Variants in ADRA1A observed in about 807,000 individuals in gnomAD.
The protein encoded by ADRA1A is adrenoceptor alpha 1A.
ADRA1A carries 31 observed loss-of-function variants against 29.6 expected under a neutral mutation model. The ratio of observed to expected loss-of-function variants is 1.05; its 90% CI spans 0.79 to 1.41. The LOEUF is 1.41. Among genes scored for constraint, ADRA1A ranks in the 40% most tolerant of loss-of-function variants. The pLI is 0.00. For synonymous variants in ADRA1A, 311 were observed against 254.3 expected (o/e 1.22, Z -2.12); for missense variants, 619 against 601.1 (o/e 1.03, Z -0.31).
intron 2 of ADRA1A, among the ~76,000 whole-genome samples, chr8:26,803,876 T>C (rs1352761701): frequency 1.3e-5 from 2 of 149,782 alleles, no homozygotes; most frequent in East Asian, 2.0e-4. Flanking sequence ...TACTACCACA[T>C]ACCTACTACA....
chr8:26,801,696 A>G (rs1808588593), intron 2 of ADRA1A, among the ~76,000 whole-genome samples: 1 of 152,136 alleles, frequency 6.6e-6, no homozygotes, highest in African/African-American at 2.4e-5. Context: ...ACACAAAGCA[A>G]TCTACAGATT....
intron 2 of ADRA1A, among the ~76,000 whole-genome samples, chr8:26,807,839 C>A (rs1157775234): frequency 6.6e-6 from 1 of 152,112 alleles, no homozygotes; most frequent in Non-Finnish European, 1.5e-5. Flanking sequence ...ACCTTATCTC[C>A]TCACCTATAA....
intron 2 of ADRA1A, among the ~76,000 whole-genome samples, chr8:26,792,908 A>G (rs1807935959): frequency 6.6e-6 from 1 of 151,682 alleles, no homozygotes; most frequent in African/African-American, 2.4e-5. Flanking sequence ...AAATGGATTA[A>G]AGTGCTGTGT....
intron 2 of ADRA1A, among the ~76,000 whole-genome samples, chr8:26,842,866 T>TACACAC (rs57750998): frequency 0.03 from 4,341 of 142,692 alleles, 74 homozygotes; most frequent in African/African-American, 0.055. Flanking sequence ...TCTCTCTTTC[T>TACACAC]ACACACACAC....
intron 2 of ADRA1A, among the ~76,000 whole-genome samples, chr8:26,863,879 T>G (rs1218755989): frequency 6.6e-6 from 1 of 152,236 alleles, no homozygotes; most frequent in Non-Finnish European, 1.5e-5. Context: ...GTCGAAAAAG[T>G]GCTCTAGGAC....
intron 2 of ADRA1A, chr8:26,756,874 T>C (rs1277739071): frequency 1.0e-5 from 16 of 1,531,934 alleles, no homozygotes; most frequent in African/African-American, 1.4e-5. Flanking sequence ...TATCCTTTTG[T>C]AGAGTAAGAA....
At chr8:26,818,591 A>G (rs1809930270) in intron 2 of ADRA1A, among the ~76,000 whole-genome samples, 1 of 152,122 alleles carries the variant, frequency 6.6e-6, no homozygotes, top group African/African-American at 2.4e-5. Context: ...GTTTTATATG[A>G]CTATAAATAA....
chr8:26,785,726 G>C (rs1908654), intron 2 of ADRA1A, among the ~76,000 whole-genome samples: 1 of 151,904 alleles, frequency 6.6e-6, no homozygotes, highest in Non-Finnish European at 1.5e-5. Context: ...GCCTCTTCAT[G>C]TAAATGTCTC....
intron 2 of ADRA1A, among the ~76,000 whole-genome samples, chr8:26,809,667 A>G (rs1184169855): frequency 1.3e-5 from 2 of 152,248 alleles, no homozygotes; most frequent in African/African-American, 4.8e-5. Flanking sequence ...AATTAAATAA[A>G]CATGTATTAA....
upstream of ADRA1A, chr8:26,867,356 A>T: frequency 1.0e-6 from 1 of 985,320 alleles, no homozygotes; most frequent in Non-Finnish European, 1.2e-6. Context: ...GTGCGTATAC[A>T]GCTGTAATGT....
At chr8:26,762,837 C>G (rs1805581368), downstream of ADRA1A, among the ~76,000 whole-genome samples, 1 of 152,206 alleles carries the variant, frequency 6.6e-6, no homozygotes. The surrounding 1 kb of genome is among the most constrained non-coding windows in gnomAD (Gnocchi z 4.0). Context: ...GTGCCCTCGG[C>G]TGCAGGAACT....
chr8:26,771,270 C>G (rs1253940030), intron 2 of ADRA1A, among the ~76,000 whole-genome samples: 1 of 152,232 alleles, frequency 6.6e-6, no homozygotes, highest in Non-Finnish European at 1.5e-5. Context: ...CTCCCTTTGT[C>G]AATATCCCTC....
chr8:26,840,744 C>T (rs770892600), intron 2 of ADRA1A, among the ~76,000 whole-genome samples: 4 of 152,050 alleles, frequency 2.6e-5, no homozygotes, highest in African/African-American at 4.8e-5. Flanking sequence ...ATGGAGAAAC[C>T]GCTTAAAGGT....
chr8:26,837,740 G>GA (rs1226262281), intron 2 of ADRA1A, among the ~76,000 whole-genome samples: 1 of 152,100 alleles, frequency 6.6e-6, no homozygotes, highest in Non-Finnish European at 1.5e-5. Flanking sequence ...ATAGCACAAG[G>GA]AAAAAAGCTT....
chr8:26,847,092 A>C (rs547549475), intron 2 of ADRA1A, among the ~76,000 whole-genome samples: 1 of 152,150 alleles, frequency 6.6e-6, no homozygotes, highest in East Asian at 1.9e-4. Flanking sequence ...ACAGGGAGGG[A>C]TAGCATTGGG....
At chr8:26,779,389 T>C (rs60593443) in intron 2 of ADRA1A, 5 of 702,420 alleles carry the variant, frequency 7.1e-6, no homozygotes, top group Middle Eastern at 4.6e-4. Flanking sequence ...TGTTTAAAGC[T>C]GGGTGAGTCA....
Position 26,770,544 on chromosome 8 carries a change from C to T in ADRA1A, c.1006G>A (p.Ala336Thr). The change falls in exon 3 of 3, where the codon GCC becomes ACC. Residue 336 changes from alanine to threonine, a missense_variant. Transcript: ENST00000380573. ...TGGATTCTCAAGACATTCTGAAAGG[C>T]CTTTTTGAACTCTTGGCTGGAGCAT... Reference protein sequence around the residue: ...YPCSSQEFKKAFQNVLRIQCL... With the variant: ...YPCSSQEFKKTFQNVLRIQCL... The T allele has an allele frequency of 6.2e-7, 1 of 1,614,130 alleles. No homozygotes were observed. The highest frequency in any genetic ancestry group is 1.1e-5 in the South Asian group (1 of 91,066).
At chr8:26,780,164 T>G (rs1192192185) in intron 2 of ADRA1A, among the ~76,000 whole-genome samples, 1 of 152,160 alleles carries the variant, frequency 6.6e-6, no homozygotes, top group African/African-American at 2.4e-5. Context: ...ACCTTCTTCA[T>G]TCCTCATTCA....
At position 26,769,825 on chromosome 8, in the gene ADRA1A, C is replaced by G. The variant is rs1267807517; in HGVS notation, c.*324G>C. 1 of 1,062,014 alleles carries G rather than the reference C, an allele frequency of 9.4e-7. No individual in the cohort carries two copies. The highest frequency in any genetic ancestry group is 1.7e-5 in the African/African-American group (1 of 60,044). The allele number at this position is 1,062,014 out of a possible 1,614,324, so 65.8% of individuals were successfully genotyped here. A position where few individuals can be genotyped will look rare whatever the true frequency, so the allele number is the denominator to read the frequency against. ...AAAATATTCATGATGAAATCATAAT[C>G]CTATATTTATAGTCTTTTGGATTGT... On this transcript the variant is annotated 3_prime_UTR_variant, in exon 3 of 3. Transcript: ENST00000380573.
Sources: allele counts gnomAD v4.1 joint callset (sites outside exome capture counted in the v4.1 genomes callset), GRCh38; gene constraint gnomAD v4.1.1; non-coding constraint Gnocchi (gnomAD v3.1); transcripts MANE v1.5; gene names NCBI Gene and HGNC (gene_info 2026-07-23, HGNC 2026-07-21).